The following ARHGAP39 variants were observed in gnomAD, a reference collection of about 807,000 sequenced individuals.
ARHGAP39 encodes the protein rho GTPase-activating protein 39.
ARHGAP39 carries 44 observed loss-of-function variants against 106.9 expected under a neutral mutation model. The ratio of observed to expected loss-of-function variants is 0.41; its 90% CI spans 0.32 to 0.53. ARHGAP39 has a LOEUF of 0.53. Ranked by LOEUF, ARHGAP39 falls within the 20% of genes least tolerant of loss-of-function variation. ARHGAP39 has a pLI of 0.21. For synonymous variants in ARHGAP39, 768 were observed against 693.2 expected (o/e 1.11, Z -1.69); for missense variants, 1,496 against 1,577.3 (o/e 0.95, Z 0.87).
At chr8:144,649,853 C>T (rs1299247507) in intron 1 of ARHGAP39, among the ~76,000 whole-genome samples, 2 of 152,000 alleles carry the variant, frequency 1.3e-5, no homozygotes, top group South Asian at 2.1e-4. Flanking sequence ...AACTAGAAAG[C>T]CTAGAAGAGA....
At chr8:144,558,595 A>G (rs369391195) in intron 3 of ARHGAP39, among the ~76,000 whole-genome samples, 14,091 of 137,626 alleles carry the variant, frequency 0.1, 1,536 homozygotes, top group African/African-American at 0.28. Flanking sequence ...GCCTGGCCAT[A>G]AATTCTAGTA....
At chr8:144,633,242 AG>A (rs1821107815) in intron 1 of ARHGAP39, among the ~76,000 whole-genome samples, 1 of 152,138 alleles carries the variant, frequency 6.6e-6, no homozygotes. Flanking sequence ...GTGGATCATG[AG>A]GTCAGGAGAT....
chr8:144,610,691 G>A (rs534208264), intron 1 of ARHGAP39, among the ~76,000 whole-genome samples: 2 of 151,518 alleles, frequency 1.3e-5, no homozygotes, highest in East Asian at 1.9e-4. Flanking sequence ...CAGCCTGGGC[G>A]ACAGTGAGAG....
intron 1 of ARHGAP39, among the ~76,000 whole-genome samples, chr8:144,606,997 C>CAA (rs76285024): frequency 2.8e-4 from 19 of 69,052 alleles, no homozygotes; most frequent in Admixed American, 7.7e-4. Context: ...AACTATTAAG[C>CAA]AAAAAAAAAA....
intron 1 of ARHGAP39, among the ~76,000 whole-genome samples, chr8:144,615,562 G>A (rs1403368079): frequency 2.0e-5 from 3 of 152,172 alleles, no homozygotes; most frequent in Admixed American, 6.5e-5. Context: ...CTTTGCCATG[G>A]CTATTCCTTA....
chr8:144,664,381 C>T (rs1023519968), intron 1 of ARHGAP39, among the ~76,000 whole-genome samples: 11 of 152,324 alleles, frequency 7.2e-5, no homozygotes, highest in African/African-American at 2.6e-4. Flanking sequence ...TGGCCACTAC[C>T]CAACTTCAGC....
rs979167009 is a variant in ARHGAP39, at chr8:144,586,835, C to G, written c.81-5558G>C. Among the ~76,000 whole-genome samples, 5 of 152,344 alleles carry G rather than the reference C, an allele frequency of 3.3e-5. No individual in the cohort carries two copies. The highest frequency in any genetic ancestry group is 3.3e-4 in the Admixed American group (5 of 15,304). ...AGGACAGCAGCCATCAGCAACCCTA[C>G]ATGGCTGCACGCCCATCTCATACAC... On this transcript the variant is annotated intron_variant, in intron 2 of 11. Transcript: ENST00000377307. This position sits in a 1 kb window ranked among gnomAD's most constrained non-coding sequence, Gnocchi z 4.2.
intron 2 of ARHGAP39, among the ~76,000 whole-genome samples, chr8:144,596,566 T>C (rs1410388563): frequency 6.6e-6 from 1 of 152,180 alleles, no homozygotes; most frequent in Non-Finnish European, 1.5e-5. Context: ...AGACTGGCCA[T>C]GAGGGCTGCA....
rs1389000857 is a variant in ARHGAP39 at position 144,585,473 on chromosome 8, C to T, written c.81-4196G>A. ...CCTGGAGGGGCCAGCCAAGGGTTCCCAGCACTGGCTTCCCCTCGTGCACTC... is the reference window on the plus strand; with the variant it reads ...CCTGGAGGGGCCAGCCAAGGGTTCCTAGCACTGGCTTCCCCTCGTGCACTC... On this transcript the variant is annotated intron_variant, in intron 2 of 11. Transcript: ENST00000377307. The surrounding 1 kb of genome is among the most constrained non-coding windows in gnomAD (Gnocchi z 4.6). Among the ~76,000 whole-genome samples, 2 of 151,868 alleles carry T rather than the reference C, an allele frequency of 1.3e-5. No individual in the cohort carries two copies. The highest frequency in any genetic ancestry group is 2.9e-5 in the Non-Finnish European group (2 of 67,964).
intron 1 of ARHGAP39, among the ~76,000 whole-genome samples, chr8:144,618,558 G>A (rs1820698998): frequency 6.6e-6 from 1 of 152,252 alleles, no homozygotes; most frequent in Admixed American, 6.5e-5. Flanking sequence ...AGGTTGTGGT[G>A]GGCGCGAGCA....
At position 144,553,609 on chromosome 8, in the gene ARHGAP39, T is replaced by C. The variant is rs1195369292; in HGVS notation, c.596+1951A>G. Among the ~76,000 whole-genome samples, 3 of 152,316 alleles carry C rather than the reference T, an allele frequency of 2.0e-5. No homozygotes were observed. In the East Asian group the frequency reaches 5.8e-4, roughly 29 times the overall value. On this transcript the variant is annotated intron_variant, in intron 4 of 11. Transcript: ENST00000377307. The stretch of plus-strand genomic sequence containing the variant: ...CTCATACTCCCGTCGACCCAGCCTC[T>C]TCTTCCAGACACCACTGGACCTCTG...
chr8:144,675,860 C>T (rs1022419745), intron 1 of ARHGAP39, among the ~76,000 whole-genome samples: 19 of 152,136 alleles, frequency 1.2e-4, no homozygotes, highest in South Asian at 6.2e-4. Context: ...TCGTTCCCTC[C>T]GGTGGGTTCG....
In ARHGAP39 at chr8:144,607,882, C is replaced by T. The variant is rs556105645; in HGVS notation, c.-81-2187G>A. ...TTTTAAAAATGAAACTCAGGCCGGG[C>T]GCGGTGGCTCATGCCTATAATCCCA... On this transcript the variant is annotated intron_variant, in intron 1 of 11. Coordinates refer to ENST00000377307, the MANE Select transcript of ARHGAP39 (RefSeq NM_025251.3). Among the ~76,000 whole-genome samples, 10 of 152,238 alleles carry T rather than the reference C, an allele frequency of 6.6e-5. No homozygotes were observed. In the South Asian group the frequency reaches 1.7e-3, roughly 25 times the overall value.
At position 144,581,104 on chromosome 8, in the gene ARHGAP39, G is replaced by C. The variant is rs1818970718; in HGVS notation, c.254C>G (p.Ala85Gly). ...PNTSRFYYYN[A>G]STQRTVWHRP... ...GTGCCACACCGTGCGCTGCGTGCTGGCATTGTAGTAGTAGAAGCGGGACGT... is the reference window on the plus strand; with the variant it reads ...GTGCCACACCGTGCGCTGCGTGCTGCCATTGTAGTAGTAGAAGCGGGACGT... The change falls in exon 3 of 12, where the codon GCC (alanine) becomes GGC (glycine). Residue 85 changes from alanine (A) to glycine (G), a missense_variant. By Grantham distance (60) the Ala-to-Gly change is moderately conservative (BLOSUM62 0). Coordinates refer to ENST00000377307, the MANE Select transcript of ARHGAP39 (RefSeq NM_025251.3). 6.3e-7 allele frequency: 1 copy of C among 1,591,988 alleles called. No homozygotes were observed. Among genetic ancestry groups the C allele is most frequent in the African/African-American group, 1.3e-5 (1 of 74,692 alleles).
At chr8:144,556,075 G>C (rs1028646284) in intron 3 of ARHGAP39, among the ~76,000 whole-genome samples, 1 of 152,122 alleles carries the variant, frequency 6.6e-6, no homozygotes, top group African/African-American at 2.4e-5. Flanking sequence ...CACGAGGTCA[G>C]GAGATCGAGA....
intron 1 of ARHGAP39, among the ~76,000 whole-genome samples, chr8:144,661,260 C>T (rs1821815414): frequency 1.3e-5 from 2 of 152,238 alleles, no homozygotes; most frequent in South Asian, 2.1e-4. Context: ...CCACTCTACA[C>T]ACACAAGGCT....
chr8:144,531,000 A>G (rs1313337712), intron 10 of ARHGAP39, 129 bp from the exon 11 acceptor site: 3 of 1,249,310 alleles, frequency 2.4e-6, no homozygotes, highest in Non-Finnish European at 3.2e-6. Context: ...CATTCTGGAC[A>G]GGGCCCATCT....
Position 144,545,403 on chromosome 8 carries a change from G to GTATCATT in ARHGAP39, c.2366_2367insAATGATA (p.Cys789Ter). The GTATCATT allele has an allele frequency of 7.0e-7, 1 of 1,433,808 alleles. No homozygotes were observed. The highest frequency in any genetic ancestry group is 9.2e-7 in the Non-Finnish European group (1 of 1,082,834). The allele number at this position is 1,433,808 out of a possible 1,614,324, so 88.8% of individuals were successfully genotyped here. ...GGCGGAAGTTCTCGGTGGTCTGCCG[G>GTATCATT]CACAGCTGGATGTAGAGCTCGTCCC... On this transcript the variant is annotated stop_gained and frameshift_variant, in exon 6 of 12. Coordinates refer to ENST00000377307, the MANE Select transcript of ARHGAP39 (RefSeq NM_025251.3). LOFTEE classifies it high-confidence loss of function.
At chr8:144,648,425 G>A (rs1296503128) in intron 1 of ARHGAP39, among the ~76,000 whole-genome samples, 2 of 152,222 alleles carry the variant, frequency 1.3e-5, no homozygotes, top group African/African-American at 2.4e-5. Flanking sequence ...AAGAGCTGAA[G>A]TTGTATCCAA....
Sources: allele counts gnomAD v4.1 joint callset (sites outside exome capture counted in the v4.1 genomes callset), GRCh38; gene constraint gnomAD v4.1.1; non-coding constraint Gnocchi (gnomAD v3.1); transcripts MANE v1.5; gene names NCBI Gene and HGNC (gene_info 2026-07-23, HGNC 2026-07-21).